Variants in JADE3 observed in about 807,000 individuals in gnomAD.
JADE3 encodes the protein jade family PHD finger 3.
A neutral mutation model predicts 50.1 loss-of-function variants in JADE3; 2 were observed. The ratio of observed to expected loss-of-function variants is 0.04; its 90% CI spans 0.02 to 0.13. The LOEUF is 0.13. Ranked by LOEUF, JADE3 falls within the 10% of genes least tolerant of loss-of-function variation. JADE3 has a pLI of 1.00. For synonymous variants in JADE3, 218 were observed against 232.9 expected (o/e 0.94, Z 0.58); for missense variants, 475 against 634.4 (o/e 0.75, Z 2.70).
Position 46,988,057 on chromosome X carries a change from T to C in JADE3, c.126+2265T>C, listed in dbSNP as rs1927902656. Among the ~76,000 whole-genome samples the C allele has an allele frequency of 3.6e-5, 4 of 111,908 alleles. No individual in the cohort carries two copies. The South Asian group carries it at 1.5e-3, about 42-fold the overall frequency. On this transcript the variant is annotated intron_variant, in intron 3 of 10. Coordinates refer to ENST00000614628, the MANE Select transcript of JADE3 (RefSeq NM_014735.5). The stretch of plus-strand genomic sequence containing the variant: ...ACCTATCTCTCATACCTATCATTTA[T>C]TGAAGTTTTATGTGCCAAAAGCTTT...
At chrX:46,980,945 A>G (rs1272688971) in intron 1 of JADE3, among the ~76,000 whole-genome samples, 2 of 111,605 alleles carry the variant, frequency 1.8e-5, no homozygotes, top group African/African-American at 6.5e-5. Context: ...AGCAGAACAG[A>G]AGGGTCAGAG....
At chrX:46,940,819 CATTTAAGG>C (rs1926735995) in intron 1 of JADE3, among the ~76,000 whole-genome samples, 1 of 111,953 alleles carries the variant, frequency 8.9e-6, no homozygotes, top group Non-Finnish European at 1.9e-5. Context: ...ACTACGTATA[CATTTAAGG>C]ATTTTTTTTA....
Position 47,054,375 on chromosome X carries a change from C to G in JADE3, c.1190C>G (p.Ala397Gly). 8.3e-7 allele frequency: 1 copy of G among 1,211,334 alleles called. No individual in the cohort carries two copies. Among genetic ancestry groups the G allele is most frequent in the Non-Finnish European group, 1.1e-6 (1 of 895,127 alleles). Residue 397 changes from alanine to glycine, a missense_variant, in exon 9 of 11, where the codon GCA (alanine) becomes GGA (glycine). Physicochemically the swap from Ala to Gly is moderately conservative, Grantham distance 60. Around this residue, in one of 6 missense-constraint regions of JADE3, gnomAD observed 81 missense variants for 123.8 expected, o/e 0.65. Transcript: ENST00000614628. ...QAKSEKTSLRAQKLRELEEEF... is the reference protein window; with the variant it reads ...QAKSEKTSLRGQKLRELEEEF... ...AAAAGTGAGAAAACCAGCCTGCGGG[C>G]ACAGAAGCTTCGGGAGCTGGAGGAG...
At chrX:46,973,719 G>T (rs1490300326) in intron 1 of JADE3, among the ~76,000 whole-genome samples, 2 of 112,298 alleles carry the variant, frequency 1.8e-5, no homozygotes, top group Admixed American at 9.5e-5. Flanking sequence ...TAGAGGTTAG[G>T]ATTGTTTGCC....
chrX:47,043,177 G>A (rs782619206), intron 8 of JADE3, among the ~76,000 whole-genome samples: 6 of 111,999 alleles, frequency 5.4e-5, no homozygotes, highest in Non-Finnish European at 1.1e-4. Context: ...AGATATGGCC[G>A]TAGTGACCAA....
intron 1 of JADE3, among the ~76,000 whole-genome samples, chrX:46,971,664 C>T (rs1275167678): frequency 2.8e-5 from 3 of 106,978 alleles, no homozygotes; most frequent in Non-Finnish European, 3.9e-5. Flanking sequence ...GGCGTGGTGG[C>T]GGGCGCCTGT....
At chrX:46,930,419 C>G (rs1556339665) in intron 1 of JADE3, among the ~76,000 whole-genome samples, 1 of 112,265 alleles carries the variant, frequency 8.9e-6, no homozygotes, top group African/African-American at 3.2e-5. Flanking sequence ...GCCGAAATTG[C>G]TAATCCACAG....
At chrX:46,971,673 G>A (rs1438739405) in intron 1 of JADE3, among the ~76,000 whole-genome samples, 2 of 107,613 alleles carry the variant, frequency 1.9e-5, no homozygotes, top group Non-Finnish European at 3.8e-5. Flanking sequence ...GCGGGCGCCT[G>A]TAGTCCCAGC....
At chrX:46,944,814 C>A (rs1926846232) in intron 1 of JADE3, among the ~76,000 whole-genome samples, 1 of 110,469 alleles carries the variant, frequency 9.1e-6, no homozygotes, top group Non-Finnish European at 1.9e-5. Flanking sequence ...AAATTTTGTA[C>A]TATTCATGCA....
Position 47,060,245 on chromosome X carries a change from G to GC in JADE3, c.*1168_*1169insC, listed in dbSNP as rs1730893375. On this transcript the variant is annotated 3_prime_UTR_variant, in exon 11 of 11. Transcript: ENST00000614628. ...GAGAATAATTACATTTGCGGGGGGG[G>GC]GGGTGGATAAAAACATGTCTGCTTC... is the stretch of plus-strand genomic sequence containing the variant. 3.9e-5 allele frequency: 4 copies of GC among 101,456 alleles called. No individual in the cohort carries two copies. The highest frequency in any genetic ancestry group is 1.4e-4 in the African/African-American group (4 of 28,361). 8.4% of individuals were successfully genotyped at this position (101,456 alleles called of 1,213,427 possible). A position where few individuals can be genotyped will look rare whatever the true frequency, so the allele number is the denominator to read the frequency against.
chrX:46,999,485 A>ATATAACATATATATAC (rs1556358436), intron 4 of JADE3, among the ~76,000 whole-genome samples: 4 of 105,173 alleles, frequency 3.8e-5, no homozygotes, highest in African/African-American at 1.0e-4. Flanking sequence ...ATATATATAT[A>ATATAACATATATATAC]AAATAGGGTC....
chrX:47,056,072 G>A lies in JADE3; in HGVS notation c.1444-10G>A. 9.1e-7 allele frequency: 1 copy of A among 1,095,479 alleles called. No homozygotes were observed. The highest frequency in any genetic ancestry group is 1.3e-6 in the Non-Finnish European group (1 of 794,738). 90.3% of individuals were successfully genotyped at this position (1,095,479 alleles called of 1,213,427 possible). A position where few individuals can be genotyped will look rare whatever the true frequency, so the allele number is the denominator to read the frequency against. Reference sequence around the variant, plus strand: ...CAAACATCTCTATTTGTTGGGGATTGGGCTTTCAGGTCCGAAATCTGTGCT... The same window carrying A: ...CAAACATCTCTATTTGTTGGGGATTAGGCTTTCAGGTCCGAAATCTGTGCT... On this transcript the variant is annotated splice_polypyrimidine_tract_variant and intron_variant, in intron 9 of 10. Transcript: ENST00000614628.
intron 1 of JADE3, among the ~76,000 whole-genome samples, chrX:46,965,073 C>T (rs1556348698): frequency 2.7e-5 from 3 of 112,042 alleles, no homozygotes; most frequent in Non-Finnish European, 5.6e-5. Flanking sequence ...AAGTATAAAT[C>T]TCTGGACCAG....
chrX:46,946,701 G>T (rs868964747), intron 1 of JADE3, among the ~76,000 whole-genome samples: 8 of 112,184 alleles, frequency 7.1e-5, no homozygotes, highest in Middle Eastern at 4.6e-3. Context: ...CGATTTGCGT[G>T]CATGGCTTTC....
intron 1 of JADE3, among the ~76,000 whole-genome samples, chrX:46,980,158 G>A (rs1300181174): frequency 2.7e-5 from 3 of 110,536 alleles, no homozygotes; most frequent in South Asian, 3.9e-4. Context: ...GGGATTACAG[G>A]TGCGAGCCAC....
chrX:46,950,909 A>G lies in JADE3; in HGVS notation c.-11-33975A>G, dbSNP rs782084784. 3.6e-5 allele frequency among the ~76,000 whole-genome samples: 4 copies of G among 110,229 alleles called. No homozygotes were observed. The South Asian group carries it at 1.6e-3, about 43-fold the overall frequency. Reference sequence around the variant, plus strand: ...TTTTCTAGTTCTATTTATTACCAAGAGTGGAATGTTAAACTCTGTTAGTGT... The same window carrying G: ...TTTTCTAGTTCTATTTATTACCAAGGGTGGAATGTTAAACTCTGTTAGTGT... On this transcript the variant is annotated intron_variant, in intron 1 of 10. Coordinates refer to ENST00000614628, the MANE Select transcript of JADE3 (RefSeq NM_014735.5).
chrX:47,031,870 AAAT>A (rs782109455), intron 6 of JADE3, among the ~76,000 whole-genome samples: 40 of 111,140 alleles, frequency 3.6e-4, no homozygotes, highest in East Asian at 5.6e-4. Flanking sequence ...GTCTCAAAAA[AAAT>A]AATAATAAAA....
At chrX:47,004,441 T>G (rs1343106312) in intron 4 of JADE3, among the ~76,000 whole-genome samples, 8 of 111,814 alleles carry the variant, frequency 7.2e-5, no homozygotes, top group African/African-American at 2.0e-4. Context: ...TTCTTTTTTT[T>G]GTTTGTTTGT....
intron 1 of JADE3, among the ~76,000 whole-genome samples, chrX:46,968,493 G>A (rs1927413315): frequency 9.0e-6 from 1 of 111,242 alleles, no homozygotes; most frequent in Non-Finnish European, 1.9e-5. Context: ...AGGATTGCTT[G>A]AGCCCAGGAA....
Sources: gnomAD v4.1 joint callset for allele counts (sites outside exome capture counted in the v4.1 genomes callset) on GRCh38, gnomAD v4.1.1 for gene constraint, gnomAD v4.1.1 regional missense constraint, MANE v1.5 for transcripts, NCBI Gene and HGNC (gene_info 2026-07-23, HGNC 2026-07-21) for gene names.